The following NDST4 variants were observed in gnomAD, a reference collection of about 807,000 sequenced individuals.
NDST4 encodes N-deacetylase and N-sulfotransferase 4.
Under a neutral mutation model 100.8 loss-of-function variants are expected in NDST4, and 63 were observed. That is an observed-to-expected ratio of 0.62 (90% confidence interval 0.51 to 0.77). The LOEUF is 0.77. Among genes scored for constraint, NDST4 ranks in the 30% least tolerant of loss-of-function variants. The probability of loss-of-function intolerance (pLI) is 0.00; values close to 1 mark genes in which losing one functional copy is unlikely to be tolerated. For synonymous variants in NDST4, 377 were observed against 361.8 expected (o/e 1.04, Z -0.48); for missense variants, 943 against 1,018.4 (o/e 0.93, Z 1.01).
At chr4:114,973,996 A>C (rs1349675402) in intron 3 of NDST4, among the ~76,000 whole-genome samples, 1 of 151,946 alleles carries the variant, frequency 6.6e-6, no homozygotes, top group East Asian at 1.9e-4. Flanking sequence ...AAATAGTGCC[A>C]TATGAATTGT....
intron 6 of NDST4, among the ~76,000 whole-genome samples, chr4:114,890,357 A>G (rs1352688661): frequency 6.6e-6 from 1 of 152,140 alleles, no homozygotes; most frequent in Non-Finnish European, 1.5e-5. Flanking sequence ...GCAACTTTAA[A>G]TAAATAATAA....
rs140388670 is a variant in NDST4, at chr4:114,893,030, T to C, written c.1537-22080A>G. Among the ~76,000 whole-genome samples, 1,405 of 152,282 alleles carry C rather than the reference T, an allele frequency of 9.2e-3. 82 individuals carry two copies. The South Asian group carries it at 0.17, about 18-fold the overall frequency. On this transcript the variant is annotated intron_variant, in intron 6 of 13. Coordinates refer to ENST00000264363, the MANE Select transcript of NDST4 (RefSeq NM_022569.3). ...TGTTCCTGTGTTAGTTTGCTGAGGA[T>C]GATGGTTTCCATCTTCATCCATGTC...
At chr4:114,886,016 C>T (rs892277648) in intron 6 of NDST4, among the ~76,000 whole-genome samples, 21 of 151,996 alleles carry the variant, frequency 1.4e-4, no homozygotes, top group African/African-American at 5.1e-4. Context: ...ATATTTGAGA[C>T]AATAGAGAGT....
At chr4:114,929,990 C>G (rs1321224600) in intron 6 of NDST4, among the ~76,000 whole-genome samples, 1 of 152,096 alleles carries the variant, frequency 6.6e-6, no homozygotes, top group East Asian at 1.9e-4. Context: ...AGATATGTGT[C>G]AGGAATGTAG....
intron 6 of NDST4, among the ~76,000 whole-genome samples, chr4:114,918,474 A>T (rs974780354): frequency 2.0e-5 from 3 of 151,800 alleles, no homozygotes; most frequent in African/African-American, 2.4e-5. Flanking sequence ...GTGCACCAGC[A>T]TGGCACATGT....
chr4:115,084,039 C>G (rs1729360420), intron 1 of NDST4, among the ~76,000 whole-genome samples: 1 of 152,056 alleles, frequency 6.6e-6, no homozygotes, highest in Non-Finnish European at 1.5e-5. Context: ...TTGGAAGGCT[C>G]AGAAGAAGAC....
In NDST4 at chr4:115,076,315, T is replaced by C; in HGVS notation, c.722A>G (p.Glu241Gly). The stretch of plus-strand genomic sequence containing the variant: ...GCTAGACAAGGATGACAGGGATTTT[T>C]CTGTCTGTAACTCAGTTAAAAGTAC... ...QPVLLTELQT[E>G]KSLSSLSSKT... is the part of the protein sequence containing the mutation. The change falls in exon 2 of 14, where the codon GAA becomes GGA. Residue 241 changes from glutamate to glycine, a missense_variant. Physicochemically the swap from Glu to Gly is moderately conservative, Grantham distance 98. Around this residue, in one of 2 missense-constraint regions of NDST4, gnomAD observed 417 missense variants for 384.2 expected, o/e 1.09. Coordinates refer to ENST00000264363, the MANE Select transcript of NDST4 (RefSeq NM_022569.3). The C allele has an allele frequency of 6.2e-7, 1 of 1,614,012 alleles. No individual in the cohort carries two copies. Among genetic ancestry groups the C allele is most frequent in the Non-Finnish European group, 8.5e-7 (1 of 1,179,932 alleles).
At chr4:115,092,421 G>C (rs1729537530) in intron 1 of NDST4, among the ~76,000 whole-genome samples, 1 of 152,026 alleles carries the variant, frequency 6.6e-6, no homozygotes, top group Non-Finnish European at 1.5e-5. Flanking sequence ...TCAAACGTAA[G>C]AAGCATGTTC....
chr4:114,912,433 A>C (rs1725080846), intron 6 of NDST4, among the ~76,000 whole-genome samples: 1 of 152,126 alleles, frequency 6.6e-6, no homozygotes, highest in African/African-American at 2.4e-5. Flanking sequence ...CCCCAATTAC[A>C]CATATTTGAT....
intron 6 of NDST4, among the ~76,000 whole-genome samples, chr4:114,900,085 C>T (rs548841449): frequency 1.1e-3 from 169 of 152,056 alleles, no homozygotes; most frequent in African/African-American, 3.9e-3. Context: ...AAAGAACTGC[C>T]CCATTTTACT....
chr4:115,071,396 T>C (rs1729075663), intron 2 of NDST4, among the ~76,000 whole-genome samples: 1 of 151,914 alleles, frequency 6.6e-6, no homozygotes, highest in Admixed American at 6.6e-5. Context: ...TCCAGTCTAA[T>C]TGTGGAAGTG....
intron 2 of NDST4, among the ~76,000 whole-genome samples, chr4:115,074,089 T>G (rs764616946): frequency 2.0e-5 from 3 of 151,982 alleles, no homozygotes; most frequent in Non-Finnish European, 4.4e-5. Context: ...TCTATCCATA[T>G]GAACACATAC....
chr4:115,082,983 A>C (rs909482529), intron 1 of NDST4, among the ~76,000 whole-genome samples: 2 of 152,238 alleles, frequency 1.3e-5, no homozygotes, highest in East Asian at 1.9e-4. Flanking sequence ...GTAAATTGGA[A>C]TGACTTAAGA....
intron 1 of NDST4, among the ~76,000 whole-genome samples, chr4:115,103,675 T>G (rs1729780739): frequency 6.6e-6 from 1 of 152,046 alleles, no homozygotes; most frequent in Non-Finnish European, 1.5e-5. Context: ...CCTGCTATTT[T>G]TAATTTAATT....
rs564121862 is a variant in NDST4, at chr4:114,878,756, T to G, written c.1537-7806A>C. ...TTTATAAAATGAAAAACATTGTATA[T>G]TATCACCATGGATATTCAGTTAAAA... is the stretch of plus-strand genomic sequence containing the variant. On this transcript the variant is annotated intron_variant, in intron 6 of 13. Coordinates refer to ENST00000264363, the MANE Select transcript of NDST4 (RefSeq NM_022569.3). Among the ~76,000 whole-genome samples the G allele has an allele frequency of 2.6e-5, 4 of 152,142 alleles. No homozygotes were observed. The South Asian group carries it at 8.3e-4, about 32-fold the overall frequency.
chr4:115,022,187 C>CAT (rs1201125932), intron 2 of NDST4, among the ~76,000 whole-genome samples: 4 of 150,508 alleles, frequency 2.7e-5, no homozygotes, highest in South Asian at 2.1e-4. Context: ...ATGCACGTTC[C>CAT]ATATATATAC....
intron 6 of NDST4, among the ~76,000 whole-genome samples, chr4:114,888,240 A>C (rs1482791555): frequency 6.6e-6 from 1 of 150,932 alleles, no homozygotes; most frequent in African/African-American, 2.4e-5. Flanking sequence ...ATTAAAATAT[A>C]TATATATATT....
At chr4:115,023,219 C>A (rs1297217180) in intron 2 of NDST4, among the ~76,000 whole-genome samples, 1 of 152,108 alleles carries the variant, frequency 6.6e-6, no homozygotes, top group Admixed American at 6.6e-5. Context: ...AGCGCAGTTG[C>A]TCACATCTGT....
At chr4:115,096,181 ATAAT>A in intron 1 of NDST4, among the ~76,000 whole-genome samples, 2 of 79,336 alleles carry the variant, frequency 2.5e-5, no homozygotes, top group East Asian at 6.8e-4. Flanking sequence ...TGCAATTCTG[ATAAT>A]GGATAGAACA....
Sources: gnomAD v4.1 joint callset for allele counts (sites outside exome capture counted in the v4.1 genomes callset) on GRCh38, gnomAD v4.1.1 for gene constraint, gnomAD v4.1.1 regional missense constraint, MANE v1.5 for transcripts, NCBI Gene and HGNC (gene_info 2026-07-23, HGNC 2026-07-21) for gene names.